TOX2: variants seen among roughly 807,000 people sequenced by gnomAD.
TOX2 encodes the protein TOX high mobility group box family member 2, also known as granulosa cell HMG box 1.
Under a neutral mutation model 47.4 loss-of-function variants are expected in TOX2, and 15 were observed. That is an observed-to-expected ratio of 0.32 (90% confidence interval 0.21 to 0.49). TOX2 has a LOEUF of 0.49. Ranked by LOEUF, TOX2 falls within the 20% of genes least tolerant of loss-of-function variation. TOX2 has a pLI of 0.99. For synonymous variants in TOX2, 290 were observed against 296.6 expected, an observed-to-expected ratio of 0.98 and a Z score of 0.23; for missense variants, 622 against 673.1, an observed-to-expected ratio of 0.92 and a Z score of 0.84.
chr20:44,003,810 C>T (rs1374605679), intron 2 of TOX2, among the ~76,000 whole-genome samples: 1 of 152,020 alleles, frequency 6.6e-6, no homozygotes, highest in East Asian at 1.9e-4. Flanking sequence ...CAGGAGAGGT[C>T]ACTGTGGTTA....
rs771728052 is a variant in TOX2, at chr20:44,064,922, A to T, written c.960+65A>T. The T allele has an allele frequency of 1.9e-5, 29 of 1,517,672 alleles. No individual in the cohort carries two copies. In the Middle Eastern group the frequency reaches 6.8e-4, roughly 36 times the overall value. 94.0% of individuals were successfully genotyped at this position (1,517,672 alleles called of 1,614,324 possible). A position where few individuals can be genotyped will look rare whatever the true frequency, so the allele number is the denominator to read the frequency against. ...GGGGCCACTTGAGGAATGGAGCAAGAACTGGGGCCCGTGGGAAGGGCCGGC... is the reference window on the plus strand; with the variant it reads ...GGGGCCACTTGAGGAATGGAGCAAGTACTGGGGCCCGTGGGAAGGGCCGGC... On this transcript the variant is annotated intron_variant, in intron 6 of 8. Transcript: ENST00000341197.
intron 3 of TOX2, 91 bp from the exon 4 acceptor site, chr20:44,051,215 T>C: frequency 6.6e-7 from 1 of 1,507,658 alleles, no homozygotes; most frequent in East Asian, 2.3e-5. Flanking sequence ...ACTTCTCCTC[T>C]GCATTCCCTC....
At chr20:43,969,451 C>T (rs924334627) in intron 1 of TOX2, among the ~76,000 whole-genome samples, 1 of 152,192 alleles carries the variant, frequency 6.6e-6, no homozygotes, top group Non-Finnish European at 1.5e-5. Flanking sequence ...TTTGTGACCT[C>T]TCCCCTTGGC....
At position 44,011,885 on chromosome 20, in the gene TOX2, T is replaced by C. The variant is rs944326322; in HGVS notation, c.411+5093T>C. On this transcript the variant is annotated intron_variant, in intron 3 of 8. Transcript: ENST00000341197. The stretch of plus-strand genomic sequence containing the variant: ...CAGGCGTGGGTGGGAGTTAGCTTTC[T>C]GCTTTGAAGGTATGGCAGCTAGCAG... 2.6e-4 allele frequency among the ~76,000 whole-genome samples: 40 copies of C among 152,274 alleles called. 1 individual carries two copies. The highest frequency in any genetic ancestry group is 1.5e-5 in the Non-Finnish European group (1 of 68,044).
chr20:43,952,463 G>T (rs1406018073), intron 1 of TOX2, among the ~76,000 whole-genome samples: 1 of 152,164 alleles, frequency 6.6e-6, no homozygotes, highest in Non-Finnish European at 1.5e-5. Flanking sequence ...GAGAAGTAGG[G>T]GTTGGGCTCT....
At chr20:43,978,763 T>TTTGTG (rs3222830) in intron 2 of TOX2, among the ~76,000 whole-genome samples, 3 of 146,506 alleles carry the variant, frequency 2.0e-5, no homozygotes, top group African/African-American at 7.5e-5. Context: ...TTGAAAGAAC[T>TTTGTG]TGTGTGTGTG....
intron 5 of TOX2, among the ~76,000 whole-genome samples, chr20:44,058,415 C>T (rs767152708): frequency 1.3e-5 from 2 of 150,964 alleles, no homozygotes; most frequent in Non-Finnish European, 3.0e-5. Context: ...CTAACCCTGC[C>T]CCTACCTGAT....
At chr20:43,945,795 A>C in intron 1 of TOX2, 1 of 1,420,968 alleles carries the variant, frequency 7.0e-7, no homozygotes, top group Non-Finnish European at 9.6e-7. Context: ...ATTTCACCTT[A>C]TACGAATGGG....
chr20:44,042,176 A>G (rs1384801421), intron 3 of TOX2, among the ~76,000 whole-genome samples: 1 of 152,234 alleles, frequency 6.6e-6, no homozygotes, highest in Non-Finnish European at 1.5e-5. Flanking sequence ...GGCAGACAAG[A>G]GGGCTTGTGC....
intron 1 of TOX2, among the ~76,000 whole-genome samples, chr20:43,934,005 C>T (rs1314997051): frequency 6.6e-6 from 1 of 151,788 alleles, no homozygotes; most frequent in Admixed American, 6.6e-5. Flanking sequence ...GCTGCGTGTG[C>T]TGCAGGTTCA....
intron 5 of TOX2, among the ~76,000 whole-genome samples, chr20:44,055,401 C>T (rs543462001): frequency 5.9e-5 from 9 of 152,216 alleles, no homozygotes; most frequent in Non-Finnish European, 1.2e-4. Context: ...TGTGAGTTCT[C>T]TTTGGAGGAG....
At chr20:44,058,498 C>T (rs1233105887) in intron 5 of TOX2, among the ~76,000 whole-genome samples, 2 of 152,228 alleles carry the variant, frequency 1.3e-5, no homozygotes, top group African/African-American at 4.8e-5. Flanking sequence ...TGGCCCCGCC[C>T]ACCACCTGAC....
chr20:44,054,549 G>T, intron 5 of TOX2, 23 bp downstream of exon 5: 1 of 1,605,128 alleles, frequency 6.2e-7, no homozygotes, highest in Non-Finnish European at 8.5e-7. Flanking sequence ...CTCTTTCTGG[G>T]CCATCCCCTG....
intron 3 of TOX2, among the ~76,000 whole-genome samples, chr20:44,051,105 G>A (rs1300070347): frequency 6.6e-5 from 10 of 152,180 alleles, no homozygotes; most frequent in East Asian, 3.8e-4. Context: ...CGGAGCTGCC[G>A]GTTTCCCACG....
intron 1 of TOX2, among the ~76,000 whole-genome samples, chr20:43,937,928 G>A (rs572096047): frequency 1.3e-3 from 192 of 152,316 alleles, no homozygotes; most frequent in African/African-American, 4.5e-3. Context: ...AGTCTGGAGT[G>A]TGGGTTCCAG....
At chr20:43,967,494 A>G (rs534878841) in intron 1 of TOX2, among the ~76,000 whole-genome samples, 1 of 152,200 alleles carries the variant, frequency 6.6e-6, no homozygotes, top group East Asian at 1.9e-4. Flanking sequence ...ACGTCCAGGC[A>G]TCTATCCACG....
intron 2 of TOX2, among the ~76,000 whole-genome samples, chr20:44,005,941 GAAAA>G (rs142869884): frequency 6.8e-6 from 1 of 148,114 alleles, no homozygotes; most frequent in Non-Finnish European, 1.5e-5. Flanking sequence ...GGCGAGGTGG[GAAAA>G]AAAAAACAAG....
chr20:43,934,242 G>A (rs528929748), intron 1 of TOX2, among the ~76,000 whole-genome samples: 18 of 152,226 alleles, frequency 1.2e-4, no homozygotes, highest in South Asian at 4.1e-4. Context: ...CTGGCAGAGG[G>A]AAACTTTAGG....
At chr20:43,931,255 C>T (rs1320074469) in intron 1 of TOX2, among the ~76,000 whole-genome samples, 1 of 152,202 alleles carries the variant, frequency 6.6e-6, no homozygotes, top group African/African-American at 2.4e-5. Context: ...CCTCCTGCCT[C>T]AGCCTCCTGA....
Sources: gnomAD v4.1 joint callset for allele counts (sites outside exome capture counted in the v4.1 genomes callset) on GRCh38, gnomAD v4.1.1 for gene constraint, MANE v1.5 for transcripts, NCBI Gene and HGNC (gene_info 2026-07-23, HGNC 2026-07-21) for gene names.